The following KCMF1 variants were observed in gnomAD, a reference collection of about 807,000 sequenced individuals.
KCMF1 encodes the protein potassium channel modulatory factor 1, also known as E3 ubiquitin-protein ligase KCMF1.
A neutral mutation model predicts 41.1 loss-of-function variants in KCMF1; 3 were observed. The ratio of observed to expected loss-of-function variants is 0.07; its 90% CI spans 0.03 to 0.19. The LOEUF is 0.19. Among genes scored for constraint, KCMF1 ranks in the 10% least tolerant of loss-of-function variants. The pLI, the probability that KCMF1 is intolerant of heterozygous loss-of-function variation, is 1.00. For synonymous variants in KCMF1, 142 were observed against 164.5 expected, an observed-to-expected ratio of 0.86 and a Z score of 1.04; for missense variants, 286 against 488.9, an observed-to-expected ratio of 0.58 and a Z score of 3.91.
At chr2:85,008,267 TATAA>T (rs1252204033) in intron 1 of KCMF1, among the ~76,000 whole-genome samples, 2 of 107,874 alleles carry the variant, frequency 1.9e-5, no homozygotes, top group African/African-American at 3.5e-5. Context: ...ATATATCATA[TATAA>T]TATATAATAT....
chr2:84,984,464 A>G lies in KCMF1; in HGVS notation c.16+12997A>G, dbSNP rs887051526. Among the ~76,000 whole-genome samples the G allele has an allele frequency of 1.1e-4, 17 of 152,016 alleles. 1 individual carries two copies. Among genetic ancestry groups the G allele is most frequent in the Admixed American group, 1.1e-3 (17 of 15,254 alleles). ...TTTTTCATTTCTTTTTCACCTTAAA[A>G]TTATTTTTTAACATATACTGGTTTC... On this transcript the variant is annotated intron_variant, in intron 1 of 6. Transcript: ENST00000409785.
intron 1 of KCMF1, among the ~76,000 whole-genome samples, chr2:85,012,465 T>G (rs1387484434): frequency 6.6e-6 from 1 of 152,258 alleles, no homozygotes; most frequent in African/African-American, 2.4e-5. Context: ...ACTATCCATT[T>G]TCCTCATTTT....
intron 1 of KCMF1, among the ~76,000 whole-genome samples, chr2:85,026,489 A>ATTTTTTTT (rs1259543563): frequency 7.0e-5 from 10 of 141,860 alleles, no homozygotes; most frequent in African/African-American, 2.8e-4. Flanking sequence ...TATTATTATT[A>ATTTTTTTT]TTATTATTTT....
At chr2:85,000,892 C>T (rs1226580136) in intron 1 of KCMF1, among the ~76,000 whole-genome samples, 1 of 151,262 alleles carries the variant, frequency 6.6e-6, no homozygotes, top group Non-Finnish European at 1.5e-5. Flanking sequence ...AATCCTCCCA[C>T]CTCAGCATCC....
rs536824387 is a variant in KCMF1, at chr2:85,026,433, A to C, written c.17-1456A>C. ...ATTACAGGTGTGAGCTATGGCACCC[A>C]GCCCTGTTCAAGCTTCTTTCTTTCC... is the stretch of plus-strand genomic sequence containing the variant. On this transcript the variant is annotated intron_variant, in intron 1 of 6. Transcript: ENST00000409785. 2.2e-4 allele frequency among the ~76,000 whole-genome samples: 33 copies of C among 148,248 alleles called. 1 individual carries two copies. The South Asian group carries it at 6.6e-3, about 30-fold the overall frequency.
At chr2:85,012,249 C>T (rs1489404043) in intron 1 of KCMF1, among the ~76,000 whole-genome samples, 3 of 152,156 alleles carry the variant, frequency 2.0e-5, no homozygotes, top group African/African-American at 4.8e-5. Context: ...TTTACATGCT[C>T]TTAAAGTGTG....
At chr2:85,028,141 C>A in intron 2 of KCMF1, 85 bp downstream of exon 2, 2 of 784,956 alleles carry the variant, frequency 2.5e-6, no homozygotes, top group Non-Finnish European at 4.1e-6. Context: ...CTAAAACTCC[C>A]CAGCAGCATA....
chr2:85,002,988 TCA>T (rs910136356), intron 1 of KCMF1, among the ~76,000 whole-genome samples: 1 of 152,236 alleles, frequency 6.6e-6, no homozygotes, highest in African/African-American at 2.4e-5. Context: ...TGTAGATATA[TCA>T]CAGTTATGAA....
At chr2:84,998,725 C>T (rs1380163057) in intron 1 of KCMF1, among the ~76,000 whole-genome samples, 1 of 151,602 alleles carries the variant, frequency 6.6e-6, no homozygotes, top group Admixed American at 6.6e-5. Context: ...GCCTCAGCCT[C>T]CCAAGTAGCT....
At chr2:85,033,909 G>C (rs1021761901) in intron 2 of KCMF1, among the ~76,000 whole-genome samples, 1 of 151,962 alleles carries the variant, frequency 6.6e-6, no homozygotes, top group Non-Finnish European at 1.5e-5. Context: ...CAGGCCAGGC[G>C]TGGTGGCTCA....
At chr2:85,043,821 A>T (rs774271376) in intron 4 of KCMF1, among the ~76,000 whole-genome samples, 156 bp downstream of exon 4, 3 of 152,192 alleles carry the variant, frequency 2.0e-5, no homozygotes, top group Non-Finnish European at 2.9e-5. Flanking sequence ...AGTAGCTGGG[A>T]CTATAGGCAC....
intron 1 of KCMF1, among the ~76,000 whole-genome samples, chr2:85,011,146 A>C (rs921170962): frequency 6.6e-6 from 1 of 151,936 alleles, no homozygotes; most frequent in African/African-American, 2.4e-5. Context: ...CGGCCAGTCT[A>C]TTACTTTTAT....
At chr2:85,050,858 T>C (rs1362398223) in intron 6 of KCMF1, among the ~76,000 whole-genome samples, 1 of 152,250 alleles carries the variant, frequency 6.6e-6, no homozygotes, top group African/African-American at 2.4e-5. Flanking sequence ...TAACATATTG[T>C]GGGTGCAGAA....
intron 2 of KCMF1, among the ~76,000 whole-genome samples, chr2:85,031,564 C>T (rs564072400): frequency 1.7e-4 from 26 of 152,114 alleles, no homozygotes; most frequent in Non-Finnish European, 3.1e-4. Context: ...TGTAGGCTTA[C>T]ATAAGTGTTC....
At chr2:85,010,105 A>C (rs1674616000) in intron 1 of KCMF1, among the ~76,000 whole-genome samples, 1 of 152,200 alleles carries the variant, frequency 6.6e-6, no homozygotes, top group African/African-American at 2.4e-5. Flanking sequence ...CATCCTTTTG[A>C]AATTGTCTTT....
chr2:85,043,093 C>T (rs1675581077), intron 3 of KCMF1, among the ~76,000 whole-genome samples: 2 of 152,188 alleles, frequency 1.3e-5, no homozygotes, highest in South Asian at 4.1e-4. Flanking sequence ...ATTTGTCTTA[C>T]ATTCAACATG....
At chr2:85,021,474 T>C (rs914606896) in intron 1 of KCMF1, among the ~76,000 whole-genome samples, 7 of 151,994 alleles carry the variant, frequency 4.6e-5, no homozygotes, top group Non-Finnish European at 7.4e-5. Flanking sequence ...GTACAAAAAT[T>C]AGCCGGGTGT....
intron 1 of KCMF1, among the ~76,000 whole-genome samples, chr2:84,998,048 C>T (rs1269975020): frequency 6.6e-6 from 1 of 150,906 alleles, no homozygotes; most frequent in Non-Finnish European, 1.5e-5. Context: ...GCTGGGATTA[C>T]AGGCATAAGC....
intron 1 of KCMF1, among the ~76,000 whole-genome samples, chr2:85,020,696 C>T (rs1248917010): frequency 6.6e-6 from 1 of 152,128 alleles, no homozygotes; most frequent in African/African-American, 2.4e-5. Context: ...CCAAAGTGTT[C>T]GTATTGATTA....
Sources: allele counts gnomAD v4.1 joint callset (sites outside exome capture counted in the v4.1 genomes callset), GRCh38; gene constraint gnomAD v4.1.1; transcripts MANE v1.5; gene names NCBI Gene and HGNC (gene_info 2026-07-23, HGNC 2026-07-21).